MTF1: variants seen among roughly 807,000 people sequenced by gnomAD.
The protein encoded by MTF1 is metal regulatory transcription factor 1.
A neutral mutation model predicts 70.4 loss-of-function variants in MTF1; 22 were observed. That is an observed-to-expected ratio of 0.31 (90% CI 0.22 to 0.45). The LOEUF is 0.45. MTF1 is among the 20% of genes least tolerant of loss of function. The pLI is 1.00. For missense variants in MTF1, 649 were observed against 922.0 expected (o/e 0.70, Z 3.83); for synonymous variants, 333 against 352.8 (o/e 0.94, Z 0.63).
At chr1:37,828,408 G>T (rs969383619) in intron 7 of MTF1, among the ~76,000 whole-genome samples, 9 of 152,188 alleles carry the variant, frequency 5.9e-5, no homozygotes, top group Non-Finnish European at 1.2e-4. Context: ...CGGTTCAAGT[G>T]ATTCTCCTGC....
intron 3 of MTF1, among the ~76,000 whole-genome samples, 155 bp from the exon 4 acceptor site, chr1:37,838,911 T>G (rs1641214219): frequency 6.7e-6 from 1 of 149,474 alleles, no homozygotes; most frequent in Non-Finnish European, 1.5e-5. Context: ...TTCAAGCGAT[T>G]CTCCTGCCTC....
intron 4 of MTF1, 151 bp downstream of exon 4, chr1:37,838,474 G>A (rs1246094781): frequency 7.3e-5 from 37 of 507,328 alleles, no homozygotes; most frequent in Non-Finnish European, 1.1e-4. Context: ...CTAATCTGCA[G>A]TGGTTGGTTA....
At chr1:37,828,161 T>G in intron 7 of MTF1, 1 of 390,054 alleles carries the variant, frequency 2.6e-6, no homozygotes, top group Admixed American at 3.7e-5. Flanking sequence ...ATGATTCCAA[T>G]CATAAAAGCA....
In MTF1 at chr1:37,835,182, C is replaced by T. The variant is rs748984851; in HGVS notation, c.887G>A (p.Cys296Tyr). ...ERPFFCPSNG[C>Y]EKTFSTQYSL... ...GTATTGAGTGCTGAATGTTTTCTCA[C>T]AGCCATTACTGGGGCAGAAGAAGGG... The change falls in exon 6 of 11, where the codon TGT (cysteine) becomes TAT (tyrosine). Residue 296 changes from cysteine (C) to tyrosine (Y), a missense_variant. This residue lies in a region of MTF1 where 118 missense variants were observed against 287.2 expected (regional missense o/e 0.41). Coordinates refer to ENST00000373036, the MANE Select transcript of MTF1 (RefSeq NM_005955.3). 1 of 1,613,756 alleles carries T rather than the reference C, an allele frequency of 6.2e-7. No homozygotes were observed. The highest frequency in any genetic ancestry group is 8.5e-7 in the Non-Finnish European group (1 of 1,179,656).
intron 2 of MTF1, among the ~76,000 whole-genome samples, chr1:37,846,391 TAAAAAAA>T (rs370112178): frequency 1.8e-5 from 2 of 113,294 alleles, no homozygotes; most frequent in Non-Finnish European, 3.7e-5. Flanking sequence ...AGACCCCATT[TAAAAAAA>T]AAAAAAAAAA....
At chr1:37,817,940 T>C (rs1640843990) in intron 9 of MTF1, among the ~76,000 whole-genome samples, 1 of 152,170 alleles carries the variant, frequency 6.6e-6, no homozygotes, top group Non-Finnish European at 1.5e-5. Context: ...CTCTCACAGG[T>C]AGACAGCCCT....
intron 7 of MTF1, among the ~76,000 whole-genome samples, chr1:37,829,553 C>T (rs945350789): frequency 6.6e-6 from 1 of 151,870 alleles, no homozygotes; most frequent in Admixed American, 6.6e-5. Flanking sequence ...GAGTCCGAGA[C>T]GGGCGGATCA....
At position 37,828,765 on chromosome 1, in the gene MTF1, G is replaced by T. The variant is rs190441868; in HGVS notation, c.1068+3480C>A. Reference sequence around the variant, plus strand: ...AAAAAAGGAAAATGCTGAAGCCCCTGCCAAGCTTCAGGGCAAAAACGCTGG... The same window carrying T: ...AAAAAAGGAAAATGCTGAAGCCCCTTCCAAGCTTCAGGGCAAAAACGCTGG... On this transcript the variant is annotated intron_variant, in intron 7 of 10. Coordinates refer to ENST00000373036, the MANE Select transcript of MTF1 (RefSeq NM_005955.3). Among the ~76,000 whole-genome samples, 42 of 152,338 alleles carry T rather than the reference G, an allele frequency of 2.8e-4. No individual in the cohort carries two copies. The East Asian group carries it at 6.9e-3, about 25-fold the overall frequency.
At chr1:37,856,803 T>G (rs1641504405) in intron 2 of MTF1, among the ~76,000 whole-genome samples, 2 of 152,142 alleles carry the variant, frequency 1.3e-5, no homozygotes, top group South Asian at 4.1e-4. Flanking sequence ...AAATAAAAGT[T>G]CATTAAACAT....
At chr1:37,847,764 G>A (rs1294997754) in intron 2 of MTF1, among the ~76,000 whole-genome samples, 1 of 152,190 alleles carries the variant, frequency 6.6e-6, no homozygotes, top group East Asian at 1.9e-4. Context: ...GGGAGGCTGA[G>A]GTGGGAGGCT....
At chr1:37,847,472 A>C (rs1451979066) in intron 2 of MTF1, among the ~76,000 whole-genome samples, 1 of 152,198 alleles carries the variant, frequency 6.6e-6, no homozygotes, top group African/African-American at 2.4e-5. Flanking sequence ...TCAGGTATTC[A>C]ACAGCCAGCC....
intron 4 of MTF1, among the ~76,000 whole-genome samples, chr1:37,836,481 A>AACTT (rs1557593305): frequency 5.3e-5 from 8 of 152,168 alleles, no homozygotes; most frequent in Admixed American, 1.3e-4. Flanking sequence ...ACTTATCTAT[A>AACTT]ATCTTGTGTG....
chr1:37,827,552 TG>T (rs1641022033), intron 7 of MTF1, among the ~76,000 whole-genome samples: 1 of 151,900 alleles, frequency 6.6e-6, no homozygotes, highest in Non-Finnish European at 1.5e-5. Context: ...TTAGTAGAGA[TG>T]GGGTTTCACC....
At chr1:37,829,810 A>G (rs907920070) in intron 7 of MTF1, among the ~76,000 whole-genome samples, 2 of 152,056 alleles carry the variant, frequency 1.3e-5, no homozygotes, top group African/African-American at 4.8e-5. Flanking sequence ...AAAAAGAAAA[A>G]TTAATCCTAT....
At position 37,857,543 on chromosome 1, in the gene MTF1, G is replaced by A. The variant is rs1641516960; in HGVS notation, c.116C>T (p.Ser39Leu). 1 of 1,614,074 alleles carries A rather than the reference G, an allele frequency of 6.2e-7. No individual in the cohort carries two copies. Among genetic ancestry groups the A allele is most frequent in the African/African-American group, 1.3e-5 (1 of 74,926 alleles). ...FVDKNGLVPS[S>L]SGTVYDRTTV... ...GGTCCTATCATAAACAGTTCCAGAT[G>A]AGGAAGGCACCAGTCCGTTTTTATC... Residue 39 changes from serine (S) to leucine (L), a missense_variant, in exon 2 of 11, where the codon TCA becomes TTA. This residue lies in a region of MTF1 where 9 missense variants were observed against 33.6 expected (regional missense o/e 0.27). Coordinates refer to ENST00000373036, the MANE Select transcript of MTF1 (RefSeq NM_005955.3).
chr1:37,816,371 T>C (rs1640818763), intron 10 of MTF1, among the ~76,000 whole-genome samples: 1 of 152,066 alleles, frequency 6.6e-6, no homozygotes, highest in Non-Finnish European at 1.5e-5. Context: ...ACTCTGTCTC[T>C]ACACATAATA....
chr1:37,850,351 A>G (rs1392991775), intron 2 of MTF1, among the ~76,000 whole-genome samples: 1 of 151,630 alleles, frequency 6.6e-6, no homozygotes, highest in Non-Finnish European at 1.5e-5. Context: ...TAATCCCAGC[A>G]CTTTGGGAGG....
In MTF1 at chr1:37,822,624, C is replaced by T. The variant is rs1415697080; in HGVS notation, c.1264G>A (p.Val422Ile). 1.2e-6 allele frequency: 2 copies of T among 1,613,876 alleles called. No individual in the cohort carries two copies. Among genetic ancestry groups the T allele is most frequent in the South Asian group, 2.2e-5 (2 of 91,070 alleles). Residue 422 changes from valine (V) to isoleucine (I), a missense_variant, in exon 9 of 11, where the codon GTA (valine) becomes ATA (isoleucine). Val to Ile is a conservative substitution (Grantham distance 29, BLOSUM62 3). This residue lies in a region of MTF1 where 267 missense variants were observed against 292.1 expected (regional missense o/e 0.91). Coordinates refer to ENST00000373036, the MANE Select transcript of MTF1 (RefSeq NM_005955.3). ...GGCTCGGAGAGGCCAGGTTGCAGTA[C>T]AAGTGGAAGAGATAAAGATGCTGAA... ...GNSASLSLPL[V>I]LQPGLSEPPQ...
intron 7 of MTF1, among the ~76,000 whole-genome samples, chr1:37,825,189 TG>T (rs1290902040): frequency 6.6e-6 from 1 of 152,168 alleles, no homozygotes; most frequent in African/African-American, 2.4e-5. Context: ...AATGCTGCCA[TG>T]GGAATATGCA....
Sources: gnomAD v4.1 joint callset for allele counts (sites outside exome capture counted in the v4.1 genomes callset) on GRCh38, gnomAD v4.1.1 for gene constraint, gnomAD v4.1.1 regional missense constraint, MANE v1.5 for transcripts, NCBI Gene and HGNC (gene_info 2026-07-23, HGNC 2026-07-21) for gene names.